DENND4B: variants seen among roughly 807,000 people sequenced by gnomAD.
The protein encoded by DENND4B is DENN domain-containing protein 4B.
In DENND4B, 67 loss-of-function variants were observed where a neutral mutation model predicts 161.0. The observed-to-expected ratio is 0.42, with a 90% CI of 0.34 to 0.51. DENND4B has a LOEUF of 0.51. DENND4B is among the 20% of genes least tolerant of loss of function. The pLI, the probability that DENND4B is intolerant of heterozygous loss-of-function variation, is 0.08. For missense variants in DENND4B, 1,481 were observed against 1,968.0 expected (o/e 0.75, Z 4.68); for synonymous variants, 753 against 813.8 (o/e 0.93, Z 1.27).
intron 1 of DENND4B, chr1:153,945,225 G>C: frequency 8.0e-7 from 1 of 1,249,860 alleles, no homozygotes; most frequent in South Asian, 1.3e-5. Flanking sequence ...CTGGTGGGTA[G>C]CTCGCAGCAG....
Position 153,943,112 on chromosome 1 carries a change from C to A in DENND4B, c.336G>T (p.Lys112Asn). 1 of 1,613,338 alleles carries A rather than the reference C, an allele frequency of 6.2e-7. No individual in the cohort carries two copies. Among genetic ancestry groups the A allele is most frequent in the Non-Finnish European group, 8.5e-7 (1 of 1,179,450 alleles). Reference sequence around the variant, plus strand: ...CTTGGAAGCCAGGCTTGGGACGTTCCTTCCCCTCATACAACACCCTTGGCA... The same window carrying A: ...CTTGGAAGCCAGGCTTGGGACGTTCATTCCCCTCATACAACACCCTTGGCA... ...LVELGVLYEGKERPKPGFQVL... is the reference protein window; with the variant it reads ...LVELGVLYEGNERPKPGFQVL... Residue 112 changes from lysine (K) to asparagine (N), a missense_variant, in exon 3 of 28, where the codon AAG becomes AAT. By Grantham distance (94) the Lys-to-Asn change is moderately conservative. Coordinates refer to ENST00000361217, the MANE Select transcript of DENND4B (RefSeq NM_014856.3).
chr1:153,938,359 A>G (rs1270240344), intron 13 of DENND4B, among the ~76,000 whole-genome samples: 2 of 151,020 alleles, frequency 1.3e-5, no homozygotes, highest in African/African-American at 4.9e-5. Flanking sequence ...CAGTGAGCCG[A>G]TATCGCGCCA....
chr1:153,930,643 G>T lies in DENND4B; in HGVS notation c.4281-40C>A. 6.2e-7 allele frequency: 1 copy of T among 1,613,798 alleles called. No individual in the cohort carries two copies. The highest frequency in any genetic ancestry group is 8.5e-7 in the Non-Finnish European group (1 of 1,179,796). On this transcript the variant is annotated intron_variant, in intron 26 of 27. Coordinates refer to ENST00000361217, the MANE Select transcript of DENND4B (RefSeq NM_014856.3). The surrounding 1 kb of genome is among the most constrained non-coding windows in gnomAD (Gnocchi z 4.7). ...GAAGTGTATGAGTGAGAGAAAAGGG[G>T]TGTGGAGCCCCGGACAGACCAGGGA...
At position 153,936,038 on chromosome 1, in the gene DENND4B, C is replaced by T. The variant is rs770000391; in HGVS notation, c.2568+22G>A. ...ACACCCTGGCACAGCTGCCATCCCACCCCTCACCCCAAAGTAGGTACCTTA... is the reference window on the plus strand; with the variant it reads ...ACACCCTGGCACAGCTGCCATCCCATCCCTCACCCCAAAGTAGGTACCTTA... On this transcript the variant is annotated intron_variant, in intron 17 of 27. Transcript: ENST00000361217. The surrounding 1 kb of genome is among the most constrained non-coding windows in gnomAD (Gnocchi z 4.1). 6 of 1,611,436 alleles carry T rather than the reference C, an allele frequency of 3.7e-6. No individual in the cohort carries two copies. In the Admixed American group the frequency reaches 8.4e-5, roughly 22 times the overall value.
At position 153,936,769 on chromosome 1, in the gene DENND4B, A is replaced by G; in HGVS notation, c.2233-21T>C. 4 of 1,540,106 alleles carry G rather than the reference A, an allele frequency of 2.6e-6. No homozygotes were observed. The highest frequency in any genetic ancestry group is 3.5e-6 in the Non-Finnish European group (4 of 1,141,108). On this transcript the variant is annotated intron_variant, in intron 15 of 27. Transcript: ENST00000361217. This position sits in a 1 kb window ranked among gnomAD's most constrained non-coding sequence, Gnocchi z 4.1. Reference sequence around the variant, plus strand: ...ATCTCCTAGGTAGGACAGGGGACACATCAGGGTGAGTACAATGCCAGGTCT... The same window carrying G: ...ATCTCCTAGGTAGGACAGGGGACACGTCAGGGTGAGTACAATGCCAGGTCT...
chr1:153,941,011 G>T lies in DENND4B; in HGVS notation c.1219C>A (p.Pro407Thr). 1 of 1,572,422 alleles carries T rather than the reference G, an allele frequency of 6.4e-7. No individual in the cohort carries two copies. Among genetic ancestry groups the T allele is most frequent in the East Asian group, 2.3e-5 (1 of 42,970 alleles). Residue 407 changes from proline to threonine, a missense_variant, in exon 9 of 28, where the codon CCT (proline) becomes ACT (threonine). This residue lies in a region of DENND4B where 806 missense variants were observed against 1,134.4 expected (regional missense o/e 0.71). Coordinates refer to ENST00000361217, the MANE Select transcript of DENND4B (RefSeq NM_014856.3). ...SFLQLLQSLGPELAITLLLAV... is the reference protein window; with the variant it reads ...SFLQLLQSLGTELAITLLLAV... ...AGCAGCAGTGTGATAGCCAGCTCAG[G>T]GCCCAGGCTCTGCAGCAGCTGCAGG... is the stretch of plus-strand genomic sequence containing the variant.
In DENND4B at chr1:153,942,829, C is replaced by T; in HGVS notation, c.570+49G>A. Reference sequence around the variant, plus strand: ...ATGCCCTTTGTTCCCAGTGTCCACACCCACTCTTACACCAAGAGGACCAGG... The same window carrying T: ...ATGCCCTTTGTTCCCAGTGTCCACATCCACTCTTACACCAAGAGGACCAGG... On this transcript the variant is annotated intron_variant, in intron 3 of 27. Transcript: ENST00000361217. This position sits in a 1 kb window ranked among gnomAD's most constrained non-coding sequence, Gnocchi z 6.9. 1 of 1,556,624 alleles carries T rather than the reference C, an allele frequency of 6.4e-7. No homozygotes were observed. Among genetic ancestry groups the T allele is most frequent in the Non-Finnish European group, 8.7e-7 (1 of 1,147,564 alleles).
Position 153,934,295 on chromosome 1 carries a change from A to G in DENND4B, c.2781T>C (p.Tyr927=). 1 of 1,586,622 alleles carries G rather than the reference A, an allele frequency of 6.3e-7. No homozygotes were observed. Among genetic ancestry groups the G allele is most frequent in the Non-Finnish European group, 8.6e-7 (1 of 1,168,672 alleles). The change falls in exon 19 of 28, where the codon TAT becomes TAC. Residue 927 remains tyrosine, a synonymous_variant. Coordinates refer to ENST00000361217, the MANE Select transcript of DENND4B (RefSeq NM_014856.3). This position sits in a 1 kb window ranked among gnomAD's most constrained non-coding sequence, Gnocchi z 5.3. ...QEAGSSQAEP[Y]LERPSPTRPL... is the part of the protein sequence containing the mutation. ...GGCGAGTAGGGGAAGGGCGCTCCAA[A>G]TAGGGCTCTGTAAAAGACGAGAAGG...
intron 24 of DENND4B, 85 bp from the exon 25 acceptor site, chr1:153,931,149 C>T: frequency 9.4e-7 from 1 of 1,065,716 alleles, no homozygotes; most frequent in Non-Finnish European, 1.4e-6. Flanking sequence ...GCCAAAGAGA[C>T]AGAGGGCCAT....
rs1482526308 is a variant in DENND4B, at chr1:153,943,007, G to A, written c.441C>T (p.Tyr147=). The change falls in exon 3 of 28, where the codon TAC becomes TAT. Residue 147 remains tyrosine (Y), a synonymous_variant. Coordinates refer to ENST00000361217, the MANE Select transcript of DENND4B (RefSeq NM_014856.3). ...GPGHPRTYLT[Y]RRAAEGAGLH... is the part of the protein sequence containing the mutation. ...GCCCTGCCCCCTCTGCTGCCCGCCG[G>A]TAAGTGAGGTAGGTGCGGGGGTGCC... 6.2e-7 allele frequency: 1 copy of A among 1,614,022 alleles called. No individual in the cohort carries two copies. Among genetic ancestry groups the A allele is most frequent in the Non-Finnish European group, 8.5e-7 (1 of 1,179,892 alleles).
chr1:153,942,566 C>T lies in DENND4B; in HGVS notation c.630G>A (p.Val210=), dbSNP rs767340309. The T allele has an allele frequency of 1.9e-6, 3 of 1,597,354 alleles. No individual in the cohort carries two copies. The highest frequency in any genetic ancestry group is 2.3e-5 in the South Asian group (2 of 88,334). ...AAAGGGGCCACTCACCTGCCTCGTA[C>T]ACCAGCGTGTTGGCCTTCGCCAGGC... ...KVGLAKANTL[V]YEAELLGRYP... is the part of the protein sequence containing the mutation. Residue 210 remains valine, a synonymous_variant, in exon 4 of 28, where the codon GTG becomes GTA. Coordinates refer to ENST00000361217, the MANE Select transcript of DENND4B (RefSeq NM_014856.3). The surrounding 1 kb of genome is among the most constrained non-coding windows in gnomAD (Gnocchi z 6.9).
In DENND4B at chr1:153,937,956, T is replaced by C. The variant is rs902107777; in HGVS notation, c.1966-93A>G. On this transcript the variant is annotated intron_variant, in intron 13 of 27. Coordinates refer to ENST00000361217, the MANE Select transcript of DENND4B (RefSeq NM_014856.3). This position sits in a 1 kb window ranked among gnomAD's most constrained non-coding sequence, Gnocchi z 4.7. ...CGATGGCATCTCCCAGGAAAGCTCA[T>C]CCACAAGGAAAGAGACACAGCCTGG... 8 of 1,561,398 alleles carry C rather than the reference T, an allele frequency of 5.1e-6. No homozygotes were observed. Among genetic ancestry groups the C allele is most frequent in the Non-Finnish European group, 7.0e-6 (8 of 1,144,348 alleles).
Position 153,932,214 on chromosome 1 carries a change from G to A in DENND4B, c.3986C>T (p.Ser1329Leu), listed in dbSNP as rs780016192. ...GLVLASCDGP[S>L]HSQAPSPWLT... ...CATGGGGGCACTGACCTGGGAGTGC[G>A]AAGGCCCATCACAGGAGGCCAGCAC... is the stretch of plus-strand genomic sequence containing the variant. The change falls in exon 24 of 28, where the codon TCG becomes TTG. Residue 1329 changes from serine (S) to leucine (L), a missense_variant. Coordinates refer to ENST00000361217, the MANE Select transcript of DENND4B (RefSeq NM_014856.3). The surrounding 1 kb of genome is among the most constrained non-coding windows in gnomAD (Gnocchi z 5.8). The A allele has an allele frequency of 9.9e-6, 16 of 1,613,532 alleles. No individual in the cohort carries two copies. The highest frequency in any genetic ancestry group is 6.7e-5 in the East Asian group (3 of 44,870).
chr1:153,933,739 A>G lies in DENND4B; in HGVS notation c.3074T>C (p.Leu1025Pro). The change falls in exon 20 of 28, where the codon CTG becomes CCG. Residue 1025 changes from leucine to proline, a missense_variant. Transcript: ENST00000361217. This position sits in a 1 kb window ranked among gnomAD's most constrained non-coding sequence, Gnocchi z 5.7. Reference protein sequence around the residue: ...GGSPGGSGSALSAQSTEALEG... With the variant: ...GGSPGGSGSAPSAQSTEALEG... ...CAGGGCCTCAGTGGACTGGGCACTCAGGGCTGAGCCTGAGCCCCCTGGGCT... is the reference window on the plus strand; with the variant it reads ...CAGGGCCTCAGTGGACTGGGCACTCGGGGCTGAGCCTGAGCCCCCTGGGCT... 6.3e-7 allele frequency: 1 copy of G among 1,598,078 alleles called. No individual in the cohort carries two copies. The highest frequency in any genetic ancestry group is 8.5e-7 in the Non-Finnish European group (1 of 1,172,874).
chr1:153,940,488 A>C lies in DENND4B; in HGVS notation c.1445T>G (p.Leu482Arg). The C allele has an allele frequency of 6.2e-7, 1 of 1,613,248 alleles. No homozygotes were observed. Among genetic ancestry groups the C allele is most frequent in the Non-Finnish European group, 8.5e-7 (1 of 1,179,586 alleles). The change falls in exon 10 of 28, where the codon CTG (leucine) becomes CGG (arginine). Residue 482 changes from leucine to arginine, a missense_variant. Leu to Arg is a moderately radical substitution (Grantham distance 102, BLOSUM62 -2). Transcript: ENST00000361217. The surrounding 1 kb of genome is among the most constrained non-coding windows in gnomAD (Gnocchi z 5.6). ...GATGACATCAGCAGGCGGGTCATGC[A>C]GATCAAAGTAGCTGGAGTGGATACC... The part of the protein sequence containing the change: ...IVGIHSSYFD[L>R]HDPPADVICV...
At chr1:153,945,286 G>T (rs1166324094) in intron 1 of DENND4B, 7 of 690,990 alleles carry the variant, frequency 1.0e-5, no homozygotes, top group African/African-American at 1.9e-5. Flanking sequence ...GTTACTTCCT[G>T]AAACAGTGGA....
In DENND4B at chr1:153,944,481, C is replaced by G; in HGVS notation, c.-23-84G>C. 7.5e-7 allele frequency: 1 copy of G among 1,326,106 alleles called. No homozygotes were observed. Among genetic ancestry groups the G allele is most frequent in the Non-Finnish European group, 1.0e-6 (1 of 997,858 alleles). The allele number at this position is 1,326,106 out of a possible 1,614,324, so 82.1% of individuals were successfully genotyped here. A position where few individuals can be genotyped will look rare whatever the true frequency, so the allele number is the denominator to read the frequency against. On this transcript the variant is annotated intron_variant, in intron 1 of 27. Transcript: ENST00000361217. The surrounding 1 kb of genome is among the most constrained non-coding windows in gnomAD (Gnocchi z 4.8). ...CAGGGTACCCTCTTGCTCCCCTCCT[C>G]TTCCTAGTCCTTCCAAAGAAAGGCA...
chr1:153,932,207 G>A lies in DENND4B; in HGVS notation c.3993C>T (p.Ser1331=), dbSNP rs746080002. 6.2e-7 allele frequency: 1 copy of A among 1,613,206 alleles called. No homozygotes were observed. The highest frequency in any genetic ancestry group is 8.5e-7 in the Non-Finnish European group (1 of 1,179,448). The change falls in exon 24 of 28, where the codon TCC becomes TCT. Residue 1331 remains serine (S), a synonymous_variant. Coordinates refer to ENST00000361217, the MANE Select transcript of DENND4B (RefSeq NM_014856.3). The surrounding 1 kb of genome is among the most constrained non-coding windows in gnomAD (Gnocchi z 5.8). ...VLASCDGPSH[S]QAPSPWLTPD... ...GGGGCCACATGGGGGCACTGACCTG[G>A]GAGTGCGAAGGCCCATCACAGGAGG... is the stretch of plus-strand genomic sequence containing the variant.
In DENND4B at chr1:153,946,345, G is replaced by A. The variant is rs1251323349; in HGVS notation, c.-68C>T. 1 of 372,318 alleles carries A rather than the reference G, an allele frequency of 2.7e-6. No individual in the cohort carries two copies. The highest frequency in any genetic ancestry group is 4.8e-6 in the Non-Finnish European group (1 of 208,992). 23.1% of individuals were successfully genotyped at this position (372,318 alleles called of 1,614,324 possible). ...CGGCCGGCCCGCTGGCGGGTGGCTC[G>A]GAGGGCGAGCTGGCGGGCCGGCGGG... On this transcript the variant is annotated 5_prime_UTR_variant, in exon 1 of 28. Transcript: ENST00000361217. The surrounding 1 kb of genome is among the most constrained non-coding windows in gnomAD (Gnocchi z 6.3).
Sources: allele counts gnomAD v4.1 joint callset (sites outside exome capture counted in the v4.1 genomes callset), GRCh38; gene constraint gnomAD v4.1.1; regional missense constraint gnomAD v4.1.1; non-coding constraint Gnocchi (gnomAD v3.1); transcripts MANE v1.5; gene names NCBI Gene and HGNC (gene_info 2026-07-23, HGNC 2026-07-21).